Variants in BIN2 observed in about 807,000 individuals in gnomAD.
BIN2 encodes bridging integrator 2.
A neutral mutation model predicts 67.9 loss-of-function variants in BIN2; 43 were observed. That is an observed-to-expected ratio of 0.63 (90% CI 0.50 to 0.82). The LOEUF (loss-of-function observed/expected upper bound fraction) is 0.82. Among genes scored for constraint, BIN2 ranks in the 40% least tolerant of loss-of-function variants. The probability of loss-of-function intolerance (pLI) is 0.00; values close to 1 mark genes in which losing one functional copy is unlikely to be tolerated. For missense variants in BIN2, 581 were observed against 671.6 expected, an observed-to-expected ratio of 0.87 and a Z score of 1.49; for synonymous variants, 244 against 246.8, an observed-to-expected ratio of 0.99 and a Z score of 0.11.
In BIN2 at chr12:51,291,898, T is replaced by G; in HGVS notation, c.1208A>C (p.Lys403Thr). Reference protein sequence around the residue: ...TASEGSEQPKKRASIQRTSAP... With the variant: ...TASEGSEQPKTRASIQRTSAP... Reference sequence around the variant, plus strand: ...TGAGGTCCTCTGGATAGAGGCTCTCTTCTTTGGTTGTTCAGATCCTTCACT... The same window carrying G: ...TGAGGTCCTCTGGATAGAGGCTCTCGTCTTTGGTTGTTCAGATCCTTCACT... The change falls in exon 10 of 13, where the codon AAG becomes ACG. Residue 403 changes from lysine (K) to threonine (T), a missense_variant. Transcript: ENST00000615107. 1 of 1,614,186 alleles carries G rather than the reference T, an allele frequency of 6.2e-7. No individual in the cohort carries two copies. Among genetic ancestry groups the G allele is most frequent in the South Asian group, 1.1e-5 (1 of 91,090 alleles).
intron 12 of BIN2, 24 bp downstream of exon 12, chr12:51,284,692 T>G: frequency 6.4e-7 from 1 of 1,565,022 alleles, no homozygotes. Context: ...ATGCCCAATC[T>G]ATTCTCTGTA....
Position 51,297,116 on chromosome 12 carries a change from C to T in BIN2, c.651G>A (p.Arg217=). The T allele has an allele frequency of 6.2e-7, 1 of 1,614,078 alleles. No homozygotes were observed. The highest frequency in any genetic ancestry group is 1.1e-5 in the South Asian group (1 of 91,080). Residue 217 remains arginine (R), a synonymous_variant, in exon 8 of 13, where the codon AGG becomes AGA. Transcript: ENST00000615107. ...VTIFQNISNL[R]DVFYREMSKL... ...TGCTCATTTCCCTGTAGAAGACATC[C>T]CTCAAGTTGGAAATGTTTTGGAAGA...
At chr12:51,316,833 C>A (rs934494114) in intron 1 of BIN2, among the ~76,000 whole-genome samples, 1 of 152,122 alleles carries the variant, frequency 6.6e-6, no homozygotes, top group Non-Finnish European at 1.5e-5. Flanking sequence ...ACTTCTGTAT[C>A]TTGTATACAG....
intron 7 of BIN2, among the ~76,000 whole-genome samples, chr12:51,298,036 A>G (rs1203508588): frequency 3.3e-5 from 5 of 151,488 alleles, no homozygotes; most frequent in Non-Finnish European, 5.9e-5. Flanking sequence ...ACCTGAGGTC[A>G]GGAGTTTGAG....
intron 10 of BIN2, among the ~76,000 whole-genome samples, chr12:51,290,089 AT>A (rs1039498385): frequency 6.0e-5 from 9 of 150,638 alleles, no homozygotes; most frequent in African/African-American, 2.2e-4. Context: ...TTATTTATTT[AT>A]TTTATTTTGT....
At position 51,292,302 on chromosome 12, in the gene BIN2, T is replaced by A. The variant is rs1285204023; in HGVS notation, c.804A>T (p.Thr268=). The part of the protein sequence containing the change: ...RSLVISPPVR[T]ATVSSPLTSP... ...AGGTAAGAGGACTGGAGACTGTAGC[T>A]GTTCGAACTGGGGGAGAAATGACTA... Residue 268 remains threonine (T), a synonymous_variant, in exon 10 of 13, where the codon ACA becomes ACT. Coordinates refer to ENST00000615107, the MANE Select transcript of BIN2 (RefSeq NM_016293.4). 2 of 1,597,388 alleles carry A rather than the reference T, an allele frequency of 1.3e-6. No homozygotes were observed. The highest frequency in any genetic ancestry group is 2.7e-5 in the African/African-American group (2 of 74,816).
At chr12:51,305,833 T>C (rs937314906) in intron 2 of BIN2, among the ~76,000 whole-genome samples, 4 of 132,184 alleles carry the variant, frequency 3.0e-5, no homozygotes, top group African/African-American at 8.4e-5. Flanking sequence ...TTTCTTTTTT[T>C]TTTTTTTTTT....
rs544774650 is a variant in BIN2 at position 51,313,618 on chromosome 12, G to A, written c.162+205C>T. Among the ~76,000 whole-genome samples, 4 of 152,250 alleles carry A rather than the reference G, an allele frequency of 2.6e-5. No individual in the cohort carries two copies. In the East Asian group the frequency reaches 7.7e-4, roughly 29 times the overall value. On this transcript the variant is annotated intron_variant, in intron 2 of 12. Coordinates refer to ENST00000615107, the MANE Select transcript of BIN2 (RefSeq NM_016293.4). ...GCCCTCCCAAAGTGTTGGGATTATA[G>A]GGGTGATCCACTGCGCCTGGCTGGT...
chr12:51,309,814 C>A (rs572452419), intron 2 of BIN2, among the ~76,000 whole-genome samples: 2 of 152,158 alleles, frequency 1.3e-5, no homozygotes, highest in Non-Finnish European at 2.9e-5. Context: ...TTCCTGATGG[C>A]GCTTCTTCTT....
chr12:51,308,746 A>C (rs1364212709), intron 2 of BIN2, among the ~76,000 whole-genome samples: 1 of 152,200 alleles, frequency 6.6e-6, no homozygotes, highest in Non-Finnish European at 1.5e-5. Flanking sequence ...TGAGGAAAAT[A>C]ATCCTTCCTA....
At chr12:51,309,129 C>G (rs1456700164) in intron 2 of BIN2, among the ~76,000 whole-genome samples, 2 of 151,950 alleles carry the variant, frequency 1.3e-5, no homozygotes, top group Admixed American at 6.6e-5. Context: ...CATGACCAAC[C>G]CGTTCAACTT....
chr12:51,297,607 G>C (rs1945602597), intron 7 of BIN2, among the ~76,000 whole-genome samples: 1 of 152,036 alleles, frequency 6.6e-6, no homozygotes, highest in Non-Finnish European at 1.5e-5. Context: ...CCCACACTCA[G>C]GATGTTCTGG....
intron 2 of BIN2, among the ~76,000 whole-genome samples, chr12:51,305,024 A>G (rs1441848402): frequency 2.7e-5 from 4 of 150,576 alleles, no homozygotes; most frequent in Non-Finnish European, 5.9e-5. Flanking sequence ...TCTCAAAACA[A>G]AACAAAAAAC....
rs762467824 is a variant in BIN2, at chr12:51,292,205, G to T, written c.901C>A (p.Pro301Thr). The change falls in exon 10 of 13, where the codon CCT (proline) becomes ACT (threonine). Residue 301 changes from proline (P) to threonine (T), a missense_variant. By Grantham distance (38) the Pro-to-Thr change is conservative (BLOSUM62 -1). Transcript: ENST00000615107. ...TTGTCTTCCCCTTGGGCTGCATCAG[G>T]TGCCAGATCTTCAGTTGCTGAGACA... ...ESVSATEDLA[P>T]DAAQGEDNSE... The T allele has an allele frequency of 4.3e-5, 69 of 1,611,694 alleles. No homozygotes were observed. The highest frequency in any genetic ancestry group is 8.0e-5 in the African/African-American group (6 of 74,878).
intron 1 of BIN2, among the ~76,000 whole-genome samples, chr12:51,314,204 C>T (rs7316301): frequency 0.13 from 19,885 of 151,774 alleles, 1,442 homozygotes; most frequent in East Asian, 0.24. Context: ...TGTACCACCA[C>T]GCCCAGCTAA....
chr12:51,319,289 G>A (rs1027035370), intron 1 of BIN2, among the ~76,000 whole-genome samples: 2 of 152,154 alleles, frequency 1.3e-5, no homozygotes, highest in African/African-American at 4.8e-5. Flanking sequence ...GGTACTGAGA[G>A]AAACTTCCTC....
chr12:51,292,038 C>T lies in BIN2; in HGVS notation c.1068G>A (p.Lys356=). ...AQPSPTTERA[K]SQEEVLPSST... Reference sequence around the variant, plus strand: ...AGCTGGGGAGAACTTCCTCCTGGGACTTGGCCCTTTCAGTGGTAGGAGAGG... The same window carrying T: ...AGCTGGGGAGAACTTCCTCCTGGGATTTGGCCCTTTCAGTGGTAGGAGAGG... The change falls in exon 10 of 13, where the codon AAG becomes AAA. Residue 356 remains lysine (K), a synonymous_variant. Coordinates refer to ENST00000615107, the MANE Select transcript of BIN2 (RefSeq NM_016293.4). 1 of 1,614,190 alleles carries T rather than the reference C, an allele frequency of 6.2e-7. No homozygotes were observed. Among genetic ancestry groups the T allele is most frequent in the Non-Finnish European group, 8.5e-7 (1 of 1,180,026 alleles).
chr12:51,297,222 G>C, intron 7 of BIN2, 58 bp from the exon 8 acceptor site: 1 of 1,526,730 alleles, frequency 6.5e-7, no homozygotes. Context: ...GGAGTTCTTT[G>C]TTTGAAATAC....
rs1267579360 is a variant in BIN2 at position 51,295,578 on chromosome 12, ATATAT to A, written c.761+213_761+217del. 7.4e-4 allele frequency among the ~76,000 whole-genome samples: 44 copies of A among 59,492 alleles called. 1 individual carries two copies. Among genetic ancestry groups the A allele is most frequent in the African/African-American group, 1.1e-3 (16 of 14,672 alleles). 39.0% of individuals were successfully genotyped at this position (59,492 alleles called of 152,430 possible). A position where few individuals can be genotyped will look rare whatever the true frequency, so the allele number is the denominator to read the frequency against. ...ACTCCGTCTCAAAAAAAAAAAAAAA[ATATAT>A]ATATATATATATATATATATATATA... On this transcript the variant is annotated intron_variant, in intron 9 of 12. Transcript: ENST00000615107.
Sources: allele counts gnomAD v4.1 joint callset (sites outside exome capture counted in the v4.1 genomes callset), GRCh38; gene constraint gnomAD v4.1.1; transcripts MANE v1.5; gene names NCBI Gene and HGNC (gene_info 2026-07-23, HGNC 2026-07-21).